TRIO: variants seen among roughly 807,000 people sequenced by gnomAD.
The protein encoded by TRIO is trio Rho guanine nucleotide exchange factor.
TRIO carries 58 observed loss-of-function variants against 351.9 expected under a neutral mutation model. The observed-to-expected ratio is 0.16, with a 90% CI of 0.13 to 0.21. TRIO has a LOEUF of 0.21. Among genes scored for constraint, TRIO ranks in the 10% least tolerant of loss-of-function variants. The pLI is 1.00. For synonymous variants in TRIO, 1,758 were observed against 1,595.7 expected (o/e 1.10, Z -2.42); for missense variants, 3,201 against 4,027.8 (o/e 0.79, Z 5.56).
At chr5:14,386,050 GT>G (rs1449292505) in intron 21 of TRIO, among the ~76,000 whole-genome samples, 1 of 152,226 alleles carries the variant, frequency 6.6e-6, no homozygotes, top group Non-Finnish European at 1.5e-5. Context: ...GACGACGATT[GT>G]AAAAAATCAC....
chr5:14,149,203 G>C (rs371107515), intron 1 of TRIO, among the ~76,000 whole-genome samples: 1 of 152,126 alleles, frequency 6.6e-6, no homozygotes, highest in African/African-American at 2.4e-5. Flanking sequence ...ACAGGACTTC[G>C]CTCTCACTGC....
chr5:14,194,535 A>T (rs1296224140), intron 1 of TRIO, among the ~76,000 whole-genome samples: 1 of 152,204 alleles, frequency 6.6e-6, no homozygotes, highest in Non-Finnish European at 1.5e-5. Flanking sequence ...TCTAGCTAGT[A>T]ACTTAGCTTT....
At chr5:14,268,261 G>A (rs1416090491) in intron 1 of TRIO, among the ~76,000 whole-genome samples, 1 of 152,232 alleles carries the variant, frequency 6.6e-6, no homozygotes, top group Non-Finnish European at 1.5e-5. Flanking sequence ...TATTCCTCCT[G>A]TGAGATGGCC....
At chr5:14,279,838 A>G (rs1735838949) in intron 2 of TRIO, among the ~76,000 whole-genome samples, 1 of 152,248 alleles carries the variant, frequency 6.6e-6, no homozygotes, top group Admixed American at 6.5e-5. Flanking sequence ...CGCAGATTAT[A>G]AAGTCATCAG....
In TRIO at chr5:14,419,772, C is replaced by T. The variant is rs774618097; in HGVS notation, c.4960-6C>T. 1.1e-5 allele frequency: 18 copies of T among 1,613,914 alleles called. No homozygotes were observed. The highest frequency in any genetic ancestry group is 1.1e-4 in the East Asian group (5 of 44,894). ...GACCTGTCCTCTCTTCCTCTGTTCCCCCCAGCTCTCTGGTGGCTGTGAGCT... is the reference window on the plus strand; with the variant it reads ...GACCTGTCCTCTCTTCCTCTGTTCCTCCCAGCTCTCTGGTGGCTGTGAGCT... On this transcript the variant is annotated splice_region_variant and splice_polypyrimidine_tract_variant and intron_variant, in intron 33 of 56. Coordinates refer to ENST00000344204, the MANE Select transcript of TRIO (RefSeq NM_007118.4).
intron 8 of TRIO, among the ~76,000 whole-genome samples, chr5:14,308,026 C>G (rs1397912247): frequency 6.6e-6 from 1 of 152,264 alleles, no homozygotes; most frequent in African/African-American, 2.4e-5. Context: ...CCTTTGAGCA[C>G]TTGTTCCCAG....
chr5:14,147,983 G>A (rs559795063), intron 1 of TRIO, among the ~76,000 whole-genome samples: 3 of 152,342 alleles, frequency 2.0e-5, no homozygotes, highest in East Asian at 3.9e-4. Context: ...GGAAAGCAAG[G>A]AGATTTCTAA....
chr5:14,336,823 A>G, intron 11 of TRIO, 96 bp downstream of exon 11: 1 of 1,364,068 alleles, frequency 7.3e-7, no homozygotes, highest in Admixed American at 2.0e-5. Flanking sequence ...GAGAAAGTGG[A>G]CAAAGGTGGC....
At chr5:14,467,863 C>G (rs1489344833) in intron 37 of TRIO, among the ~76,000 whole-genome samples, 1 of 152,126 alleles carries the variant, frequency 6.6e-6, no homozygotes, top group African/African-American at 2.4e-5. Flanking sequence ...CTGAGTTCAG[C>G]TACATCCTTG....
chr5:14,465,044 C>T (rs548983219), intron 36 of TRIO, among the ~76,000 whole-genome samples: 107 of 152,210 alleles, frequency 7.0e-4, no homozygotes, highest in African/African-American at 2.5e-3. Context: ...CACCGCACCC[C>T]GTTCCTTTCC....
chr5:14,497,025 C>T lies in TRIO; in HGVS notation c.8019+8C>T, dbSNP rs377391148. ...AACAAGGTATCTGTGAAGGTGTGTT[C>T]GGGGGTCTTCAGGAGTCCGTGTCAT... On this transcript the variant is annotated splice_region_variant and intron_variant, in intron 50 of 56. Transcript: ENST00000344204. The surrounding 1 kb of genome is among the most constrained non-coding windows in gnomAD (Gnocchi z 4.4). The T allele has an allele frequency of 1.9e-5, 31 of 1,613,708 alleles. No individual in the cohort carries two copies. Among genetic ancestry groups the T allele is most frequent in the African/African-American group, 9.3e-5 (7 of 74,890 alleles).
At chr5:14,477,109 A>G in intron 41 of TRIO, 146 bp downstream of exon 41, 1 of 683,798 alleles carries the variant, frequency 1.5e-6, no homozygotes, top group African/African-American at 1.8e-5. Flanking sequence ...AATGAGTTGG[A>G]ATTAAAATCC....
chr5:14,284,574 T>C (rs1736283347), intron 3 of TRIO, among the ~76,000 whole-genome samples: 1 of 152,218 alleles, frequency 6.6e-6, no homozygotes, highest in African/African-American at 2.4e-5. Context: ...GCGTAGCTTT[T>C]GGTTTTGTTG....
At chr5:14,393,797 A>G (rs1258844300) in intron 27 of TRIO, among the ~76,000 whole-genome samples, 1 of 152,246 alleles carries the variant, frequency 6.6e-6, no homozygotes, top group African/African-American at 2.4e-5. Flanking sequence ...TAAAAGTGCA[A>G]TTGAACAGTA....
chr5:14,342,449 T>G lies in TRIO; in HGVS notation c.2046+5722T>G, dbSNP rs551080315. The stretch of plus-strand genomic sequence containing the variant: ...AGCTGCCCTCCGATGGGTGCTCTGA[T>G]TATCAGTGGTTCCAGTGCAGGGCCT... On this transcript the variant is annotated intron_variant, in intron 11 of 56. Transcript: ENST00000344204. Among the ~76,000 whole-genome samples, 12 of 152,250 alleles carry G rather than the reference T, an allele frequency of 7.9e-5. No homozygotes were observed. The South Asian group carries it at 2.5e-3, about 32-fold the overall frequency.
intron 39 of TRIO, among the ~76,000 whole-genome samples, chr5:14,472,946 C>G (rs1442265599): frequency 1.3e-5 from 2 of 149,030 alleles, no homozygotes; most frequent in Non-Finnish European, 2.9e-5. Context: ...TTAAATGATA[C>G]TAAGTAAGTA....
At chr5:14,176,604 C>T (rs1398068648) in intron 1 of TRIO, among the ~76,000 whole-genome samples, 1 of 152,162 alleles carries the variant, frequency 6.6e-6, no homozygotes, top group East Asian at 1.9e-4. Context: ...CAGCCGTGTG[C>T]CACCACACCT....
chr5:14,367,518 G>T (rs1220128428), intron 16 of TRIO, among the ~76,000 whole-genome samples: 1 of 152,138 alleles, frequency 6.6e-6, no homozygotes, highest in Non-Finnish European at 1.5e-5. Context: ...CCTTGACAAG[G>T]GTCACTGCCA....
chr5:14,389,228 C>A, intron 24 of TRIO, 61 bp from the exon 25 acceptor site: 1 of 1,277,566 alleles, frequency 7.8e-7, no homozygotes, highest in Non-Finnish European at 1.1e-6. Flanking sequence ...ATGTCAGAAA[C>A]AGCTGTTTCT....
Sources: allele counts gnomAD v4.1 joint callset (sites outside exome capture counted in the v4.1 genomes callset), GRCh38; gene constraint gnomAD v4.1.1; non-coding constraint Gnocchi (gnomAD v3.1); transcripts MANE v1.5; gene names NCBI Gene and HGNC (gene_info 2026-07-23, HGNC 2026-07-21).